Variants in VWA5B1 observed in about 807,000 individuals in gnomAD.
VWA5B1 encodes von Willebrand factor A domain-containing protein 5B1.
In VWA5B1, 115 loss-of-function variants were observed where a neutral mutation model predicts 118.2. That is an observed-to-expected ratio of 0.97 (90% CI 0.84 to 1.14). VWA5B1 has a LOEUF of 1.14. Among genes scored for constraint, VWA5B1 ranks in the 50% most tolerant of loss-of-function variants. The pLI, the probability that VWA5B1 is intolerant of heterozygous loss-of-function variation, is 0.00. For missense variants in VWA5B1, 1,596 were observed against 1,603.8 expected (o/e 1.00, Z 0.08); for synonymous variants, 682 against 658.4 (o/e 1.04, Z -0.55).
chr1:20,293,831 C>T (rs1486335663), intron 1 of VWA5B1, among the ~76,000 whole-genome samples: 2 of 152,068 alleles, frequency 1.3e-5, no homozygotes, highest in Admixed American at 1.3e-4. Flanking sequence ...GGCAGGCTTC[C>T]TGAAGGAGGT....
At chr1:20,311,345 C>G (rs2088842772) in intron 2 of VWA5B1, among the ~76,000 whole-genome samples, 1 of 152,220 alleles carries the variant, frequency 6.6e-6, no homozygotes, top group Admixed American at 6.5e-5. Flanking sequence ...GGGAGCCTCA[C>G]AAGAGGAGAG....
rs752486830 is a variant in VWA5B1 at position 20,314,403 on chromosome 1, G to A, written c.374G>A (p.Arg125Gln). 50 of 1,551,874 alleles carry A rather than the reference G, an allele frequency of 3.2e-5. No homozygotes were observed. The Admixed American group carries it at 4.1e-4, about 13-fold the overall frequency. ...GKVTLDEDLE[R>Q]ILFVANLGTI... ...GTGACCTTGGACGAGGATTTGGAGC[G>A]GATCCTGTTCGTGGCCAACCTGGGG... is the stretch of plus-strand genomic sequence containing the variant. The change falls in exon 4 of 22, where the codon CGG becomes CAG. Residue 125 changes from arginine to glutamine, a missense_variant. Transcript: ENST00000289815.
At chr1:20,332,663 C>T (rs1413130380) in intron 11 of VWA5B1, 103 bp from the exon 12 acceptor site, 2 of 1,292,536 alleles carry the variant, frequency 1.5e-6, no homozygotes, top group Admixed American at 2.2e-5. Flanking sequence ...CCTACTGTCC[C>T]CTCTTCCCTG....
At chr1:20,304,166 A>G (rs1242969716) in intron 1 of VWA5B1, among the ~76,000 whole-genome samples, 1 of 152,208 alleles carries the variant, frequency 6.6e-6, no homozygotes, top group Admixed American at 6.5e-5. Context: ...AGTTAAAGCC[A>G]TTGCAGATGA....
At chr1:20,303,504 C>A (rs1250002286) in intron 1 of VWA5B1, among the ~76,000 whole-genome samples, 1 of 152,144 alleles carries the variant, frequency 6.6e-6, no homozygotes, top group African/African-American at 2.4e-5. Context: ...GCCCATGGGA[C>A]CTTCCCAGCT....
chr1:20,296,292 A>G (rs935705692), intron 1 of VWA5B1, among the ~76,000 whole-genome samples: 2 of 152,124 alleles, frequency 1.3e-5, no homozygotes, highest in Non-Finnish European at 2.9e-5. Context: ...TTCACCCAAT[A>G]CCCATGTCCA....
chr1:20,304,789 T>C (rs1245202517), intron 1 of VWA5B1, among the ~76,000 whole-genome samples: 2 of 152,150 alleles, frequency 1.3e-5, no homozygotes, highest in African/African-American at 4.8e-5. Context: ...TTTAAGCACA[T>C]GGTCCTTCTG....
At chr1:20,325,518 T>A (rs1440062831) in intron 8 of VWA5B1, among the ~76,000 whole-genome samples, 1 of 152,220 alleles carries the variant, frequency 6.6e-6, no homozygotes, top group African/African-American at 2.4e-5. Flanking sequence ...TCAGTCTATA[T>A]CCTTCTCATC....
In VWA5B1 at chr1:20,337,795, C is replaced by T. The variant is rs775757112; in HGVS notation, c.2092C>T (p.Gln698Ter). 3.9e-5 allele frequency: 61 copies of T among 1,551,712 alleles called. 1 individual carries two copies. The South Asian group carries it at 6.9e-4, about 18-fold the overall frequency. ...RKARLQDLTN[Q>*]TSLDVQRWQI... ...AGCCAGGCTGCAGGACCTCACCAAC[C>T]AGACCAGCCTGGATGTCCAGCGGTG... The change falls in exon 14 of 22, where the codon CAG becomes TAG. Residue 698 changes from glutamine (Q) to a stop codon, truncating the protein, a stop_gained. Transcript: ENST00000289815. LOFTEE classifies it high-confidence loss of function.
At chr1:20,295,312 G>A (rs1332881741) in intron 1 of VWA5B1, among the ~76,000 whole-genome samples, 3 of 152,132 alleles carry the variant, frequency 2.0e-5, no homozygotes, top group Non-Finnish European at 4.4e-5. Context: ...AGGCTGCAAA[G>A]GGGGATTGTG....
chr1:20,356,581 A>G lies in VWA5B1; in HGVS notation c.*2318A>G, dbSNP rs1173393601. The stretch of plus-strand genomic sequence containing the variant: ...TCTCTGCCAGCATAGAACTAGTGCT[A>G]CAAGATGCCTAGCAGGAGCAACCAA... On this transcript the variant is annotated 3_prime_UTR_variant, in exon 22 of 22. Transcript: ENST00000289815. Among the ~76,000 whole-genome samples the G allele has an allele frequency of 6.6e-6, 1 of 152,206 alleles. No individual in the cohort carries two copies. Among genetic ancestry groups the G allele is most frequent in the Non-Finnish European group, 1.5e-5 (1 of 68,022 alleles).
chr1:20,291,359 TTCTCTCTCTC>T lies in VWA5B1; in HGVS notation c.-27+289_-27+298del, dbSNP rs67596546. Among the ~76,000 whole-genome samples, 156 of 103,408 alleles carry T rather than the reference TTCTCTCTCTC, an allele frequency of 1.5e-3. 2 individuals are homozygous for T. Among genetic ancestry groups the T allele is most frequent in the African/African-American group, 4.9e-3 (136 of 27,640 alleles). 67.8% of individuals were successfully genotyped at this position (103,408 alleles called of 152,430 possible). A position where few individuals can be genotyped will look rare whatever the true frequency, so the allele number is the denominator to read the frequency against. On this transcript the variant is annotated intron_variant, in intron 1 of 21. Transcript: ENST00000289815. The stretch of plus-strand genomic sequence containing the variant: ...TCTCTCTCTTTCTTTCTTTCTTTCT[TTCTCTCTCTC>T]TCTCTCTCTCTCTCTCTTTCTGTCT...
chr1:20,306,142 C>A (rs2088645600), intron 1 of VWA5B1, among the ~76,000 whole-genome samples: 1 of 151,998 alleles, frequency 6.6e-6, no homozygotes, highest in Non-Finnish European at 1.5e-5. Flanking sequence ...CCAAACAGAG[C>A]AGGATGAGGG....
intron 7 of VWA5B1, among the ~76,000 whole-genome samples, chr1:20,321,088 A>C (rs2089196483): frequency 6.8e-6 from 1 of 146,548 alleles, no homozygotes; most frequent in African/African-American, 2.6e-5. Context: ...CGCGTGAGAC[A>C]CAGAGATGCC....
chr1:20,318,477 A>G lies in VWA5B1; in HGVS notation c.710-113A>G, dbSNP rs546460066. 40 of 1,442,304 alleles carry G rather than the reference A, an allele frequency of 2.8e-5. No homozygotes were observed. In the South Asian group the frequency reaches 4.6e-4, roughly 16 times the overall value. 89.3% of individuals were successfully genotyped at this position (1,442,304 alleles called of 1,614,324 possible). ...GTCACACTGCAGGTCAGGAGCCCCT[A>G]ACGGGGCTGGCATGTCACTCATCTC... On this transcript the variant is annotated intron_variant, in intron 5 of 21. Transcript: ENST00000289815.
chr1:20,354,477 C>T lies in VWA5B1; in HGVS notation c.*214C>T, dbSNP rs1046537592. The T allele has an allele frequency of 3.4e-6, 2 of 590,236 alleles. No individual in the cohort carries two copies. The highest frequency in any genetic ancestry group is 3.7e-5 in the African/African-American group (2 of 53,436). 36.6% of individuals were successfully genotyped at this position (590,236 alleles called of 1,614,324 possible). On this transcript the variant is annotated 3_prime_UTR_variant, in exon 22 of 22. Transcript: ENST00000289815. ...AGGCCAGTGCCTGCCCCCGTCTGGG[C>T]CTCAGTTTCCTCATCTATAAAATAA...
chr1:20,342,707 G>A, intron 15 of VWA5B1, 98 bp downstream of exon 15: 1 of 1,380,874 alleles, frequency 7.2e-7, no homozygotes, highest in Non-Finnish European at 9.6e-7. Flanking sequence ...AGATGCCTGG[G>A]TCTGTCCCCT....
chr1:20,335,602 C>T (rs2089690683), intron 12 of VWA5B1, among the ~76,000 whole-genome samples: 1 of 152,272 alleles, frequency 6.6e-6, no homozygotes, highest in East Asian at 1.9e-4. Flanking sequence ...ATAATATAAA[C>T]AGTCAATTAA....
At chr1:20,300,544 C>G (rs1455287553) in intron 1 of VWA5B1, among the ~76,000 whole-genome samples, 1 of 152,170 alleles carries the variant, frequency 6.6e-6, no homozygotes, top group Non-Finnish European at 1.5e-5. Context: ...ATCCCACCAC[C>G]AGCTCCACCA....
Sources: allele counts gnomAD v4.1 joint callset (sites outside exome capture counted in the v4.1 genomes callset), GRCh38; gene constraint gnomAD v4.1.1; transcripts MANE v1.5; gene names NCBI Gene and HGNC (gene_info 2026-07-23, HGNC 2026-07-21).